Variants in NOS2 observed in about 807,000 individuals in gnomAD.
NOS2 encodes the protein nitric oxide synthase 2.
In NOS2, 96 loss-of-function variants were observed where a neutral mutation model predicts 136.0. That is an observed-to-expected ratio of 0.71 (90% confidence interval 0.60 to 0.84). NOS2 has a LOEUF of 0.84. NOS2 is among the 40% of genes least tolerant of loss of function. The pLI, the probability that NOS2 is intolerant of heterozygous loss-of-function variation, is 0.00. For synonymous variants in NOS2, 539 were observed against 587.5 expected, an observed-to-expected ratio of 0.92 and a Z score of 1.20; for missense variants, 1,237 against 1,496.9, an observed-to-expected ratio of 0.83 and a Z score of 2.87.
chr17:27,761,250 G>A lies in NOS2; in HGVS notation c.2801-19C>T, dbSNP rs746324193. Reference sequence around the variant, plus strand: ...TGGCCATCTGCAACGATACCACAAAGTGACCAACGTCCCCCCACTGCCCAT... The same window carrying A: ...TGGCCATCTGCAACGATACCACAAAATGACCAACGTCCCCCCACTGCCCAT... On this transcript the variant is annotated intron_variant, in intron 22 of 26. Transcript: ENST00000313735. 12 of 1,587,504 alleles carry A rather than the reference G, an allele frequency of 7.6e-6. No individual in the cohort carries two copies. The highest frequency in any genetic ancestry group is 1.0e-5 in the Non-Finnish European group (12 of 1,166,892).
intron 17 of NOS2, among the ~76,000 whole-genome samples, chr17:27,768,168 GT>G (rs11363739): frequency 0.6 from 90,810 of 151,882 alleles, 27,380 homozygotes; most frequent in South Asian, 0.78. Context: ...TCCCGCCTCA[GT>G]CCCGTACCTG....
chr17:27,793,518 G>A (rs1279119567), intron 2 of NOS2: 2 of 395,482 alleles, frequency 5.1e-6, no homozygotes, highest in Non-Finnish European at 8.9e-6. Flanking sequence ...CTCCCAGAGA[G>A]AGATGGGGCC....
rs1169321665 is a variant in NOS2 at position 27,798,811 on chromosome 17, T to C, written c.-2A>G. ...CAGAAATTTCCAAGGACAGGCCATC[T>C]CTATGGCTTTACAAAGCAGGTCACT... On this transcript the variant is annotated 5_prime_UTR_variant, in exon 2 of 27. Transcript: ENST00000313735. 12 of 1,581,856 alleles carry C rather than the reference T, an allele frequency of 7.6e-6. No homozygotes were observed. Among genetic ancestry groups the C allele is most frequent in the Non-Finnish European group, 1.0e-5 (12 of 1,150,568 alleles).
In NOS2 at chr17:27,788,934, G is replaced by A; in HGVS notation, c.196-3C>T. On this transcript the variant is annotated splice_polypyrimidine_tract_variant and splice_region_variant and intron_variant, in intron 3 of 26. Transcript: ENST00000313735. ...TTGACCAGAGATTCTGGAGACTTCT[G>A]CAAGGGGAAAAAACAGGGTTTTCTC... 3 of 1,612,946 alleles carry A rather than the reference G, an allele frequency of 1.9e-6. No individual in the cohort carries two copies. The highest frequency in any genetic ancestry group is 2.5e-6 in the Non-Finnish European group (3 of 1,179,352).
At chr17:27,796,047 A>T (rs533753680) in intron 2 of NOS2, among the ~76,000 whole-genome samples, 10 of 152,138 alleles carry the variant, frequency 6.6e-5, no homozygotes, top group Non-Finnish European at 1.5e-4. Flanking sequence ...ATTCAGGGTG[A>T]TCCGGAAAGA....
intron 9 of NOS2, among the ~76,000 whole-genome samples, chr17:27,779,829 T>C (rs1045610876): frequency 3.9e-5 from 6 of 152,206 alleles, no homozygotes; most frequent in African/African-American, 1.4e-4. Flanking sequence ...AATAGAAACA[T>C]AGCATCAAAT....
chr17:27,785,336 G>A (rs1041064728), intron 5 of NOS2, among the ~76,000 whole-genome samples: 5 of 152,152 alleles, frequency 3.3e-5, no homozygotes, highest in African/African-American at 7.2e-5. Flanking sequence ...CCTGGACCCC[G>A]AAAGGCTCAT....
At position 27,772,356 on chromosome 17, in the gene NOS2, C is replaced by A. The variant is rs200599830; in HGVS notation, c.1656G>T (p.Ala552=). 3 of 1,614,152 alleles carry A rather than the reference C, an allele frequency of 1.9e-6. No homozygotes were observed. Among genetic ancestry groups the A allele is most frequent in the East Asian group, 2.2e-5 (1 of 44,884 alleles). Residue 552 remains alanine, a synonymous_variant, in exon 14 of 27, where the codon GCG becomes GCT. Transcript: ENST00000313735. ...ATAAGGCCCCCAGGTCCCAGGCCAG[C>A]GCCTCTGATTTTCCTGTCTCTGTCG... ...LFATETGKSE[A]LAWDLGALFS...
intron 23 of NOS2, 121 bp from the exon 24 acceptor site, chr17:27,760,865 C>G: frequency 7.6e-7 from 1 of 1,311,100 alleles, no homozygotes; most frequent in Non-Finnish European, 1.0e-6. Flanking sequence ...GGACAAGAAG[C>G]TCCTATTTGA....
Position 27,761,058 on chromosome 17 carries a change from C to A in NOS2, c.2888+86G>T, listed in dbSNP as rs529409570. On this transcript the variant is annotated intron_variant, in intron 23 of 26. Coordinates refer to ENST00000313735, the MANE Select transcript of NOS2 (RefSeq NM_000625.4). The stretch of plus-strand genomic sequence containing the variant: ...TTATGGGCCAAGGGGCTCCGAGCGT[C>A]TCCTAAACCCCAGATCCCTCCCTTT... The A allele has an allele frequency of 2.9e-5, 37 of 1,270,368 alleles. No individual in the cohort carries two copies. In the African/African-American group the frequency reaches 4.7e-4, roughly 16 times the overall value. The allele number at this position is 1,270,368 out of a possible 1,614,324, so 78.7% of individuals were successfully genotyped here. A position where few individuals can be genotyped will look rare whatever the true frequency, so the allele number is the denominator to read the frequency against.
chr17:27,794,741 CA>C (rs1212801021), intron 2 of NOS2, among the ~76,000 whole-genome samples: 5 of 152,008 alleles, frequency 3.3e-5, no homozygotes, highest in African/African-American at 1.2e-4. Flanking sequence ...CACACACACA[CA>C]CACACCATGC....
chr17:27,795,863 T>C (rs1371983104), intron 2 of NOS2, among the ~76,000 whole-genome samples: 1 of 152,158 alleles, frequency 6.6e-6, no homozygotes, highest in Non-Finnish European at 1.5e-5. Flanking sequence ...AGTTAGCTGG[T>C]TTGTCACATG....
intron 18 of NOS2, among the ~76,000 whole-genome samples, chr17:27,767,406 G>A (rs1908340297): frequency 6.6e-6 from 1 of 152,200 alleles, no homozygotes; most frequent in Non-Finnish European, 1.5e-5. Context: ...TCTCCCAGGA[G>A]GAGTGTCCAG....
rs1196598583 is a variant in NOS2, at chr17:27,763,984, G to A, written c.2589C>T (p.Cys863=). ...GCCCACCAGCCCTGATCTTCACCTG[G>A]CACAGGGCCTCCAGCCTCTGTCTCT... The part of the protein sequence containing the change: ...EPERQRLEAL[C]QPSEYSKWKF... The change falls in exon 21 of 27, where the codon TGC becomes TGT. Residue 863 remains cysteine, a synonymous_variant. Transcript: ENST00000313735. 4 of 1,612,046 alleles carry A rather than the reference G, an allele frequency of 2.5e-6. No individual in the cohort carries two copies. Among genetic ancestry groups the A allele is most frequent in the Non-Finnish European group, 3.4e-6 (4 of 1,179,158 alleles).
chr17:27,781,110 G>A lies in NOS2; in HGVS notation c.790C>T (p.Leu264Phe). The A allele has an allele frequency of 6.2e-7, 1 of 1,613,502 alleles. No homozygotes were observed. Among genetic ancestry groups the A allele is most frequent in the Non-Finnish European group, 8.5e-7 (1 of 1,180,028 alleles). The change falls in exon 8 of 27, where the codon CTC (leucine) becomes TTC (phenylalanine). Residue 264 changes from leucine to phenylalanine, a missense_variant. Coordinates refer to ENST00000313735, the MANE Select transcript of NOS2 (RefSeq NM_000625.4). ...ATCTGGTAGCCAGCATAGCGGATGA[G>A]CTGAGCATTCCACACCCGGAAGTCG... ...KHDFRVWNAQ[L>F]IRYAGYQMPD...
chr17:27,786,779 G>T (rs1007055735), intron 5 of NOS2, among the ~76,000 whole-genome samples: 1 of 152,136 alleles, frequency 6.6e-6, no homozygotes, highest in Non-Finnish European at 1.5e-5. Flanking sequence ...CTTGCCCAGG[G>T]TTACTCAGCT....
intron 17 of NOS2, 139 bp from the exon 18 acceptor site, chr17:27,767,976 T>C: frequency 9.6e-7 from 1 of 1,039,120 alleles, no homozygotes; most frequent in Non-Finnish European, 1.4e-6. Flanking sequence ...CACACTTACC[T>C]GATAGGGTGA....
At chr17:27,765,443 G>T in intron 20 of NOS2, 92 bp downstream of exon 20, 1 of 1,189,006 alleles carries the variant, frequency 8.4e-7, no homozygotes, top group Non-Finnish European at 1.2e-6. Context: ...GGACAGGGAT[G>T]GCTGTCACCG....
intron 1 of NOS2, among the ~76,000 whole-genome samples, chr17:27,799,877 A>G (rs1909479022): frequency 6.6e-6 from 1 of 152,090 alleles, no homozygotes; most frequent in African/African-American, 2.4e-5. Flanking sequence ...GAAAGAAAGA[A>G]AAGAACTTAT....
Sources: gnomAD v4.1 joint callset for allele counts (sites outside exome capture counted in the v4.1 genomes callset) on GRCh38, gnomAD v4.1.1 for gene constraint, MANE v1.5 for transcripts, NCBI Gene and HGNC (gene_info 2026-07-23, HGNC 2026-07-21) for gene names.